Variants in FBXL13 observed in about 807,000 individuals in gnomAD.
FBXL13 encodes F-box and leucine-rich repeat protein 13.
Under a neutral mutation model 83.6 loss-of-function variants are expected in FBXL13, and 67 were observed. The observed-to-expected ratio is 0.80, with a 90% CI of 0.66 to 0.98. The LOEUF is 0.98. Ranked by LOEUF, FBXL13 falls within the 50% of genes least tolerant of loss-of-function variation. The pLI, the probability that FBXL13 is intolerant of heterozygous loss-of-function variation, is 0.00. For synonymous variants in FBXL13, 272 were observed against 299.5 expected, an observed-to-expected ratio of 0.91 and a Z score of 0.95; for missense variants, 822 against 866.5, an observed-to-expected ratio of 0.95 and a Z score of 0.64.
chr7:103,016,947 C>A (rs967118962), intron 6 of FBXL13, among the ~76,000 whole-genome samples: 1 of 152,224 alleles, frequency 6.6e-6, no homozygotes, highest in Admixed American at 6.5e-5. Flanking sequence ...CAGACTTAAA[C>A]GTCCCTGTCT....
At chr7:103,005,038 A>G (rs780657966) in intron 6 of FBXL13, among the ~76,000 whole-genome samples, 1 of 152,250 alleles carries the variant, frequency 6.6e-6, no homozygotes, top group Non-Finnish European at 1.5e-5. Context: ...ACAACTGAGT[A>G]CCTTGGTTAA....
At chr7:102,964,419 T>TTC (rs1825759485) in intron 7 of FBXL13, among the ~76,000 whole-genome samples, 1 of 149,344 alleles carries the variant, frequency 6.7e-6, no homozygotes, top group East Asian at 1.9e-4. Flanking sequence ...TTTTTTTTTT[T>TTC]CCAGACTGAG....
chr7:102,957,247 T>C (rs545266461), intron 8 of FBXL13, among the ~76,000 whole-genome samples: 4 of 152,324 alleles, frequency 2.6e-5, no homozygotes, highest in East Asian at 1.9e-4. Flanking sequence ...TACAACCATC[T>C]GATCTTTGAC....
intron 8 of FBXL13, among the ~76,000 whole-genome samples, chr7:102,947,121 G>A (rs968459255): frequency 6.6e-6 from 1 of 152,194 alleles, no homozygotes; most frequent in South Asian, 2.1e-4. Flanking sequence ...CCAGAGAGAT[G>A]TAAGAAGTTC....
At chr7:102,825,763 G>T (rs892806437) in intron 18 of FBXL13, among the ~76,000 whole-genome samples, 3 of 152,180 alleles carry the variant, frequency 2.0e-5, no homozygotes, top group Non-Finnish European at 4.4e-5. Flanking sequence ...AAATAATAAT[G>T]TTTTAACTTG....
chr7:102,833,295 G>A (rs1801048328), intron 17 of FBXL13, among the ~76,000 whole-genome samples: 1 of 152,110 alleles, frequency 6.6e-6, no homozygotes, highest in Non-Finnish European at 1.5e-5. Context: ...AAGATTATAT[G>A]GCAGACACTC....
At chr7:103,017,235 C>G (rs1792463189) in intron 6 of FBXL13, among the ~76,000 whole-genome samples, 2 of 151,724 alleles carry the variant, frequency 1.3e-5, no homozygotes, top group Non-Finnish European at 2.9e-5. Context: ...GGACCTCCAG[C>G]AAACTCCAAC....
At chr7:103,000,289 G>C (rs1025262143) in intron 6 of FBXL13, among the ~76,000 whole-genome samples, 8 of 152,272 alleles carry the variant, frequency 5.3e-5, no homozygotes, top group Non-Finnish European at 1.0e-4. Context: ...AAGGCAGGAG[G>C]ATTGCTAATA....
At position 102,831,303 on chromosome 7, in the gene FBXL13, T is replaced by C. The variant is rs543379803; in HGVS notation, c.1854+1537A>G. On this transcript the variant is annotated intron_variant, in intron 18 of 19. Coordinates refer to ENST00000313221, the Ensembl canonical transcript of FBXL13. ...TGGCCCTCACCTCCACCAGAGAACA[T>C]GTGGTAAGGTCTGGAGGGATGGGAT... 4.6e-5 allele frequency among the ~76,000 whole-genome samples: 7 copies of C among 152,022 alleles called. No individual in the cohort carries two copies. In the East Asian group the frequency reaches 1.2e-3, roughly 25 times the overall value.
intron 10 of FBXL13, among the ~76,000 whole-genome samples, chr7:102,925,751 G>A (rs193274850): frequency 6.6e-6 from 1 of 152,104 alleles, no homozygotes; most frequent in Non-Finnish European, 1.5e-5. Context: ...AGACCAGCCT[G>A]ACCAACATGG....
At chr7:102,974,716 C>T (rs1563173938) in intron 6 of FBXL13, among the ~76,000 whole-genome samples, 2 of 152,074 alleles carry the variant, frequency 1.3e-5, no homozygotes, top group Non-Finnish European at 1.5e-5. Context: ...ATATTTTCCT[C>T]GTTAGATCCA....
In FBXL13 at chr7:102,995,043, A is replaced by G. The variant is rs192380601; in HGVS notation, c.496-26926T>C. Among the ~76,000 whole-genome samples the G allele has an allele frequency of 3.9e-5, 6 of 152,258 alleles. 1 individual carries two copies. Among genetic ancestry groups the G allele is most frequent in the Admixed American group, 3.9e-4 (6 of 15,286 alleles). On this transcript the variant is annotated intron_variant, in intron 6 of 19. Coordinates refer to ENST00000313221, the Ensembl canonical transcript of FBXL13. The stretch of plus-strand genomic sequence containing the variant: ...AGCTGTCCCTCTTGTAAAAGGTAAA[A>G]GCTTAGCACAAACATCTCTAAGCTG...
At position 102,884,326 on chromosome 7, in the gene FBXL13, A is replaced by G. The variant is rs1563042301; in HGVS notation, c.1009-14T>C. On this transcript the variant is annotated splice_polypyrimidine_tract_variant and intron_variant, in intron 11 of 19. Transcript: ENST00000313221. ...TTGGACTGAAATCTGAATTGTACAG[A>G]GTAGAAAATAATGGGAGAATGCATT... The G allele has an allele frequency of 6.3e-7, 1 of 1,596,910 alleles. No individual in the cohort carries two copies. The highest frequency in any genetic ancestry group is 1.3e-5 in the African/African-American group (1 of 74,738).
intron 15 of FBXL13, among the ~76,000 whole-genome samples, chr7:102,878,080 C>A (rs1809507360): frequency 6.6e-6 from 1 of 151,930 alleles, no homozygotes; most frequent in Non-Finnish European, 1.5e-5. Flanking sequence ...GGAAGCCACC[C>A]ATATCTAGAT....
chr7:102,836,682 T>C (rs933135378), intron 17 of FBXL13, among the ~76,000 whole-genome samples: 3 of 152,180 alleles, frequency 2.0e-5, no homozygotes, highest in African/African-American at 7.2e-5. Context: ...TCTTAGCGAG[T>C]TAGATCATTC....
intron 1 of FBXL13, among the ~76,000 whole-genome samples, chr7:103,060,784 C>T (rs1038950360): frequency 6.6e-6 from 1 of 152,110 alleles, no homozygotes; most frequent in Non-Finnish European, 1.5e-5. Context: ...AAGTGATTAT[C>T]AAATACTTGG....
At chr7:103,041,840 T>C (rs947499858) in intron 2 of FBXL13, among the ~76,000 whole-genome samples, 4 of 152,194 alleles carry the variant, frequency 2.6e-5, no homozygotes, top group African/African-American at 9.6e-5. Flanking sequence ...ATAAGAGCTA[T>C]TTATGACAAA....
intron 11 of FBXL13, among the ~76,000 whole-genome samples, chr7:102,903,805 C>T (rs1235611282): frequency 1.3e-5 from 2 of 151,898 alleles, no homozygotes; most frequent in African/African-American, 2.4e-5. Flanking sequence ...TCCTTGCATC[C>T]CAGGGATAAA....
chr7:102,967,500 T>C (rs1826111433), intron 7 of FBXL13, among the ~76,000 whole-genome samples: 1 of 152,198 alleles, frequency 6.6e-6, no homozygotes, highest in Non-Finnish European at 1.5e-5. Context: ...CTCAAACTCC[T>C]GACCTCAGGT....
Sources: gnomAD v4.1 joint callset for allele counts (sites outside exome capture counted in the v4.1 genomes callset) on GRCh38, gnomAD v4.1.1 for gene constraint, MANE v1.5 for transcripts, NCBI Gene and HGNC (gene_info 2026-07-23, HGNC 2026-07-21) for gene names.